SLC13A4: variants seen among roughly 807,000 people sequenced by gnomAD.
SLC13A4 encodes the protein Na(+)/sulfate cotransporter SUT-1.
SLC13A4 carries 28 observed loss-of-function variants against 72.7 expected under a neutral mutation model. The observed-to-expected ratio is 0.39, with a 90% CI of 0.29 to 0.53. The LOEUF is 0.53. Among genes scored for constraint, SLC13A4 ranks in the 20% least tolerant of loss-of-function variants. The pLI is 0.78. For synonymous variants in SLC13A4, 312 were observed against 325.5 expected (o/e 0.96, Z 0.45); for missense variants, 653 against 788.0 (o/e 0.83, Z 2.05).
chr7:135,723,635 GC>G (rs1796591750), intron 1 of SLC13A4, among the ~76,000 whole-genome samples: 1 of 152,126 alleles, frequency 6.6e-6, no homozygotes, highest in Non-Finnish European at 1.5e-5. Flanking sequence ...GCTGTTTATG[GC>G]CCCTTGAGTT....
intron 9 of SLC13A4, among the ~76,000 whole-genome samples, chr7:135,694,776 G>A (rs1304638831): frequency 2.0e-5 from 3 of 152,198 alleles, no homozygotes; most frequent in Admixed American, 6.5e-5. Context: ...TTTGACAACA[G>A]TCTGAGTAAA....
At chr7:135,726,351 A>G (rs973424538) in intron 1 of SLC13A4, among the ~76,000 whole-genome samples, 1 of 152,170 alleles carries the variant, frequency 6.6e-6, no homozygotes, top group Non-Finnish European at 1.5e-5. Flanking sequence ...TCTATGAAAG[A>G]TTTAAGCCAG....
At position 135,726,608 on chromosome 7, in the gene SLC13A4, G is replaced by T. The variant is rs75301670; in HGVS notation, c.99+790C>A. Among the ~76,000 whole-genome samples, 380 of 152,314 alleles carry T rather than the reference G, an allele frequency of 2.5e-3. 2 individuals are homozygous for T. Among genetic ancestry groups the T allele is most frequent in the African/African-American group, 8.9e-3 (370 of 41,586 alleles). On this transcript the variant is annotated intron_variant, in intron 1 of 15. Coordinates refer to ENST00000682651, the MANE Select transcript of SLC13A4 (RefSeq NM_001318192.2). ...GGAAGCAGGTGACCACCAGGAGGGT[G>T]TGACAGGCAAGCTGGATGCTGAGCC... is the stretch of plus-strand genomic sequence containing the variant.
At chr7:135,695,652 C>G (rs532497641) in intron 8 of SLC13A4, among the ~76,000 whole-genome samples, 165 bp from the exon 9 acceptor site, 2 of 152,150 alleles carry the variant, frequency 1.3e-5, no homozygotes, top group Admixed American at 1.3e-4. Context: ...TTGACAGTTG[C>G]AATTGTACAG....
chr7:135,697,289 T>C (rs1795924450), intron 8 of SLC13A4, among the ~76,000 whole-genome samples: 1 of 152,256 alleles, frequency 6.6e-6, no homozygotes, highest in African/African-American at 2.4e-5. Flanking sequence ...AGGTCTGTTT[T>C]CACCTGGACA....
rs1163091632 is a variant in SLC13A4 at position 135,681,612 on chromosome 7, T to C, written c.1835A>G (p.Asp612Gly). The change falls in exon 16 of 16, where the codon GAC becomes GGC. Residue 612 changes from aspartate to glycine, a missense_variant. Transcript: ENST00000682651. ...GACCCTCGCCCATGCTGGGTAAGTGTCCAGGTGGAAGAGGCTAACTCCCCA... is the reference window on the plus strand; with the variant it reads ...GACCCTCGCCCATGCTGGGTAAGTGCCCAGGTGGAAGAGGCTAACTCCCCA... ...NTWGVSLFHL[D>G]TYPAWARVSN... The C allele has an allele frequency of 1.2e-6, 2 of 1,614,028 alleles. No individual in the cohort carries two copies. Among genetic ancestry groups the C allele is most frequent in the South Asian group, 1.1e-5 (1 of 91,074 alleles).
rs372490770 is a variant in SLC13A4, at chr7:135,701,108, A to G, written c.714+572T>C. Among the ~76,000 whole-genome samples, 18 of 152,370 alleles carry G rather than the reference A, an allele frequency of 1.2e-4. No homozygotes were observed. In the East Asian group the frequency reaches 3.3e-3, roughly 28 times the overall value. On this transcript the variant is annotated intron_variant, in intron 7 of 15. Coordinates refer to ENST00000682651, the MANE Select transcript of SLC13A4 (RefSeq NM_001318192.2). The stretch of plus-strand genomic sequence containing the variant: ...CTCAAAATCGCTACCTCATTGAGCC[A>G]AGACCATAGAAAAAATGCTGAGTGC...
Position 135,684,149 on chromosome 7 carries a change from T to C in SLC13A4, c.1721A>G (p.Tyr574Cys). The C allele has an allele frequency of 1.2e-6, 2 of 1,611,784 alleles. No homozygotes were observed. Among genetic ancestry groups the C allele is most frequent in the Non-Finnish European group, 8.5e-7 (1 of 1,178,672 alleles). ...GNPPNAIVFS[Y>C]GHCQIKDMVK... ...CATATCTTTGATCTGGCAGTGCCCA[T>C]AGCTGAAGACGATGGCATTAGGGGG... Residue 574 changes from tyrosine (Y) to cysteine (C), a missense_variant, in exon 15 of 16, where the codon TAT becomes TGT. By Grantham distance (194) the Tyr-to-Cys change is radical. Transcript: ENST00000682651.
chr7:135,716,925 C>T (rs1796445010), intron 2 of SLC13A4, among the ~76,000 whole-genome samples: 1 of 152,192 alleles, frequency 6.6e-6, no homozygotes, highest in South Asian at 2.1e-4. Context: ...CATGCTGAGC[C>T]TGTACTTAGC....
At chr7:135,684,725 C>G (rs1339506584) in intron 14 of SLC13A4, among the ~76,000 whole-genome samples, 1 of 151,212 alleles carries the variant, frequency 6.6e-6, no homozygotes, top group Admixed American at 6.6e-5. Flanking sequence ...TCAATGTTGC[C>G]AAGTTTTAAC....
intron 2 of SLC13A4, among the ~76,000 whole-genome samples, chr7:135,719,683 T>C (rs1429376628): frequency 6.6e-6 from 1 of 152,090 alleles, no homozygotes; most frequent in Non-Finnish European, 1.5e-5. Context: ...CCCCACGATA[T>C]TGGGGTTGTA....
intron 2 of SLC13A4, among the ~76,000 whole-genome samples, chr7:135,710,158 A>G (rs1796266789): frequency 6.6e-6 from 1 of 152,258 alleles, no homozygotes; most frequent in Non-Finnish European, 1.5e-5. Flanking sequence ...AGCAAAAATA[A>G]AAATTCAACA....
At chr7:135,688,705 A>C (rs895096625) in intron 13 of SLC13A4, among the ~76,000 whole-genome samples, 1 of 152,224 alleles carries the variant, frequency 6.6e-6, no homozygotes, top group Non-Finnish European at 1.5e-5. Flanking sequence ...AACATTTTAC[A>C]ATGGATTTTC....
chr7:135,710,033 G>A (rs1302666860), intron 2 of SLC13A4, among the ~76,000 whole-genome samples: 2 of 152,154 alleles, frequency 1.3e-5, no homozygotes, highest in Non-Finnish European at 2.9e-5. Flanking sequence ...ACATACATGA[G>A]AATTGCTTCC....
At chr7:135,695,246 C>T (rs1286858296) in intron 9 of SLC13A4, 122 bp downstream of exon 9, 1 of 1,350,854 alleles carries the variant, frequency 7.4e-7, no homozygotes, top group Non-Finnish European at 1.0e-6. Context: ...CTGCATTCTC[C>T]TTGGGCATCC....
At chr7:135,690,287 T>C (rs1795751133) in intron 13 of SLC13A4, among the ~76,000 whole-genome samples, 1 of 152,002 alleles carries the variant, frequency 6.6e-6, no homozygotes, top group Non-Finnish European at 1.5e-5. Context: ...TAATTCATTC[T>C]TAAGATTGTT....
intron 8 of SLC13A4, among the ~76,000 whole-genome samples, chr7:135,697,222 C>T (rs553006034): frequency 5.9e-5 from 9 of 152,262 alleles, no homozygotes; most frequent in African/African-American, 1.9e-4. Flanking sequence ...CGCTGCAGGC[C>T]GCTCTCTTCA....
At chr7:135,683,773 G>A in intron 15 of SLC13A4, 1 of 985,376 alleles carries the variant, frequency 1.0e-6, no homozygotes, top group Non-Finnish European at 1.2e-6. Flanking sequence ...GAATAAACCA[G>A]TAGCTTTCTC....
At chr7:135,688,326 G>A (rs1042461108) in intron 13 of SLC13A4, among the ~76,000 whole-genome samples, 2 of 151,262 alleles carry the variant, frequency 1.3e-5, no homozygotes, top group Non-Finnish European at 3.0e-5. Context: ...GCACGATCTC[G>A]GCTCACTGCA....
Sources: gnomAD v4.1 joint callset for allele counts (sites outside exome capture counted in the v4.1 genomes callset) on GRCh38, gnomAD v4.1.1 for gene constraint, MANE v1.5 for transcripts, NCBI Gene and HGNC (gene_info 2026-07-23, HGNC 2026-07-21) for gene names.